The following LSAMP variants were observed in gnomAD, a reference collection of about 807,000 sequenced individuals.
The protein encoded by LSAMP is limbic system associated membrane protein, also known as limbic system-associated membrane protein.
LSAMP carries 7 observed loss-of-function variants against 38.6 expected under a neutral mutation model. The observed-to-expected ratio is 0.18, with a 90% CI of 0.10 to 0.34. The LOEUF is 0.34. Among genes scored for constraint, LSAMP ranks in the 10% least tolerant of loss-of-function variants. The pLI is 1.00. For synonymous variants in LSAMP, 154 were observed against 166.8 expected (o/e 0.92, Z 0.59); for missense variants, 313 against 420.0 (o/e 0.75, Z 2.23).
chr3:116,345,624 T>A (rs1220129374), intron 1 of LSAMP, among the ~76,000 whole-genome samples: 1 of 146,232 alleles, frequency 6.8e-6, no homozygotes, highest in African/African-American at 2.8e-5. Context: ...ATTTTTTAGA[T>A]ATTTATTTTT....
intron 1 of LSAMP, among the ~76,000 whole-genome samples, chr3:116,348,697 A>G (rs1272830029): frequency 6.6e-6 from 1 of 152,158 alleles, no homozygotes; most frequent in African/African-American, 2.4e-5. Flanking sequence ...CCTCACTAGA[A>G]GCTGCATTCA....
intron 3 of LSAMP, among the ~76,000 whole-genome samples, chr3:115,962,853 C>T (rs552441839): frequency 6.6e-6 from 1 of 152,272 alleles, no homozygotes; most frequent in South Asian, 2.1e-4. Context: ...CCTCAGAGGG[C>T]ACCCAGTCTC....
intron 1 of LSAMP, among the ~76,000 whole-genome samples, chr3:116,127,357 C>T (rs1473866747): frequency 6.6e-6 from 1 of 152,160 alleles, no homozygotes; most frequent in Non-Finnish European, 1.5e-5. Context: ...ATACTCTTCC[C>T]ATCTATACAT....
intron 1 of LSAMP, among the ~76,000 whole-genome samples, chr3:116,348,282 G>C (rs891435242): frequency 2.6e-5 from 4 of 151,992 alleles, no homozygotes; most frequent in Non-Finnish European, 2.9e-5. Flanking sequence ...ATTTGATCCA[G>C]GTCAGAATAA....
At chr3:115,883,795 A>T (rs1273722161) in intron 3 of LSAMP, among the ~76,000 whole-genome samples, 2 of 152,092 alleles carry the variant, frequency 1.3e-5, no homozygotes, top group Non-Finnish European at 2.9e-5. Flanking sequence ...CAAAAGAAGA[A>T]TGAATCAGGA....
At chr3:115,909,171 A>G (rs1480924846) in intron 3 of LSAMP, among the ~76,000 whole-genome samples, 1 of 152,084 alleles carries the variant, frequency 6.6e-6, no homozygotes, top group African/African-American at 2.4e-5. Context: ...CTGCATCCTT[A>G]GCTTTGATCT....
chr3:116,229,805 C>T (rs1306137010), intron 1 of LSAMP, among the ~76,000 whole-genome samples: 1 of 152,030 alleles, frequency 6.6e-6, no homozygotes, highest in African/African-American at 2.4e-5. Context: ...GCCAGATTTT[C>T]TTTTTCCCTA....
chr3:115,999,223 A>G (rs1207139323), intron 3 of LSAMP, among the ~76,000 whole-genome samples: 1 of 152,186 alleles, frequency 6.6e-6, no homozygotes, highest in Non-Finnish European at 1.5e-5. Flanking sequence ...TCCGAATCAC[A>G]AGCAGCAGGA....
chr3:116,002,980 T>C (rs900311498), intron 3 of LSAMP, among the ~76,000 whole-genome samples: 3 of 152,164 alleles, frequency 2.0e-5, no homozygotes, highest in Non-Finnish European at 4.4e-5. Flanking sequence ...AAACATGTTA[T>C]TGTTAACTGT....
chr3:115,908,140 A>C (rs935785967), intron 3 of LSAMP, among the ~76,000 whole-genome samples: 1 of 152,004 alleles, frequency 6.6e-6, no homozygotes, highest in African/African-American at 2.4e-5. Context: ...GAAGAAACTA[A>C]TGCTACTTTT....
chr3:116,094,813 T>C (rs528459655), intron 1 of LSAMP, among the ~76,000 whole-genome samples: 1 of 152,366 alleles, frequency 6.6e-6, no homozygotes, highest in Admixed American at 6.5e-5. Flanking sequence ...ATAAGTCTTT[T>C]AACTTTTCTG....
intron 1 of LSAMP, among the ~76,000 whole-genome samples, chr3:116,309,550 G>A (rs1167029714): frequency 2.6e-5 from 4 of 152,078 alleles, no homozygotes; most frequent in Non-Finnish European, 5.9e-5. Context: ...ACCAGTCCCT[G>A]TACTCAAGAG....
intron 1 of LSAMP, among the ~76,000 whole-genome samples, chr3:116,342,822 A>G (rs1049745195): frequency 6.6e-6 from 1 of 152,150 alleles, no homozygotes; most frequent in African/African-American, 2.4e-5. Flanking sequence ...TATTGGAAGC[A>G]TAGATGCAAG....
In LSAMP at chr3:116,400,773, G is replaced by A. The variant is rs529837652; in HGVS notation, c.155+44104C>T. Among the ~76,000 whole-genome samples the A allele has an allele frequency of 2.8e-4, 43 of 152,094 alleles. 1 individual carries two copies. The South Asian group carries it at 5.8e-3, about 21-fold the overall frequency. ...GATTACAGCGTGAGCCACCACTCCC[G>A]GCCTGATCTTGTTTCTTTTAGATAC... On this transcript the variant is annotated intron_variant, in intron 1 of 6. Coordinates refer to ENST00000490035, the MANE Select transcript of LSAMP (RefSeq NM_002338.5).
chr3:116,011,153 G>A (rs777236409), intron 3 of LSAMP, among the ~76,000 whole-genome samples: 44 of 151,988 alleles, frequency 2.9e-4, no homozygotes, highest in Non-Finnish European at 5.4e-4. Context: ...ACAGGCGCAC[G>A]CCACCACACC....
chr3:115,896,489 A>G (rs1403581485), intron 3 of LSAMP, among the ~76,000 whole-genome samples: 1 of 152,062 alleles, frequency 6.6e-6, no homozygotes, highest in Admixed American at 6.6e-5. Context: ...TCAGAGTAGA[A>G]AAAGATGAAA....
chr3:116,332,733 G>C (rs2047867262), intron 1 of LSAMP, among the ~76,000 whole-genome samples: 1 of 152,092 alleles, frequency 6.6e-6, no homozygotes, highest in African/African-American at 2.4e-5. Context: ...CCAATTATAT[G>C]CTGCCTACAA....
At chr3:116,287,019 A>T (rs2047203942) in intron 1 of LSAMP, among the ~76,000 whole-genome samples, 1 of 152,044 alleles carries the variant, frequency 6.6e-6, no homozygotes, top group African/African-American at 2.4e-5. Context: ...ATTCCTCTCC[A>T]GTCTCTCATT....
At chr3:115,810,895 A>G (rs1327783634) in intron 6 of LSAMP, among the ~76,000 whole-genome samples, 1 of 152,032 alleles carries the variant, frequency 6.6e-6, no homozygotes, top group Non-Finnish European at 1.5e-5. Context: ...CCCCGGGGGG[A>G]GGCAGTAATT....
Sources: gnomAD v4.1 joint callset for allele counts (sites outside exome capture counted in the v4.1 genomes callset) on GRCh38, gnomAD v4.1.1 for gene constraint, MANE v1.5 for transcripts, NCBI Gene and HGNC (gene_info 2026-07-23, HGNC 2026-07-21) for gene names.